Variants in CIMAP1D observed in about 807,000 individuals in gnomAD.
The protein encoded by CIMAP1D is CIMAP1 family member D, also known as protein CIMAP1D.
the CIMAP1D span, among the ~76,000 whole-genome samples, chr19:475,964 G>A: frequency 6.4e-5 from 9 of 139,738 alleles, no homozygotes; most frequent in Admixed American, 2.2e-4. Context: ...TAGTAGAGAT[G>A]GGGTTTCACC....
chr19:474,184 C>T, the CIMAP1D span, among the ~76,000 whole-genome samples: 5 of 152,218 alleles, frequency 3.3e-5, no homozygotes, highest in Admixed American at 6.5e-5. Flanking sequence ...GGTGAGGAAA[C>T]TGCGGCCCGT....
At chr19:491,288 G>A in the CIMAP1D span, among the ~76,000 whole-genome samples, 3 of 152,144 alleles carry the variant, frequency 2.0e-5, no homozygotes, top group African/African-American at 7.2e-5. Flanking sequence ...AAAAAAGAAG[G>A]CTTTTAAAGA....
At chr19:472,697 A>G in the CIMAP1D span, 2 of 528,110 alleles carry the variant, frequency 3.8e-6, no homozygotes, top group Non-Finnish European at 6.7e-6. Context: ...TGAATCACAG[A>G]GGAAAAGCTG....
chr19:478,895 G>A, the CIMAP1D span, among the ~76,000 whole-genome samples: 2 of 152,242 alleles, frequency 1.3e-5, no homozygotes, highest in Non-Finnish European at 2.9e-5. Context: ...TTTGGGGCCA[G>A]GCCCTGCTCA....
the CIMAP1D span, among the ~76,000 whole-genome samples, chr19:474,414 TTCCG>T: frequency 6.6e-6 from 1 of 152,202 alleles, no homozygotes; most frequent in African/African-American, 2.4e-5. Flanking sequence ...AGCACGCAGC[TTCCG>T]TTGGACAGAC....
At chr19:480,976 GGATGATGGAGAAC>G in the CIMAP1D span, among the ~76,000 whole-genome samples, 2 of 141,980 alleles carry the variant, frequency 1.4e-5, no homozygotes, top group Non-Finnish European at 3.1e-5. Flanking sequence ...TGATGGGGAA[GGATGATGGAGAAC>G]GATGATGGAA....
chr19:484,028 C>A, the CIMAP1D span, among the ~76,000 whole-genome samples: 2 of 152,322 alleles, frequency 1.3e-5, no homozygotes, highest in South Asian at 4.1e-4. Context: ...CATGAAGATG[C>A]CATGATTTAC....
At chr19:469,259 G>A in the CIMAP1D span, among the ~76,000 whole-genome samples, 2 of 145,774 alleles carry the variant, frequency 1.4e-5, no homozygotes, top group Non-Finnish European at 3.0e-5. Flanking sequence ...TCACTCTATC[G>A]CCCAGGCTGG....
At chr19:488,107 C>G in the CIMAP1D span, among the ~76,000 whole-genome samples, 1 of 152,184 alleles carries the variant, frequency 6.6e-6, no homozygotes, top group Non-Finnish European at 1.5e-5. Context: ...ACTCGGGGAG[C>G]TCGGCTCTTG....
the CIMAP1D span, among the ~76,000 whole-genome samples, chr19:486,832 T>A: frequency 6.6e-6 from 1 of 151,884 alleles, no homozygotes; most frequent in Non-Finnish European, 1.5e-5. Context: ...AAGAATGACG[T>A]GAACCCGGGA....
At chr19:469,605 A>G in the CIMAP1D span, among the ~76,000 whole-genome samples, 21 of 151,942 alleles carry the variant, frequency 1.4e-4, no homozygotes. Flanking sequence ...CAGGAGAATC[A>G]CTTGAACCCC....
the CIMAP1D span, among the ~76,000 whole-genome samples, chr19:483,134 T>G: frequency 6.6e-6 from 1 of 151,996 alleles, no homozygotes; most frequent in African/African-American, 2.4e-5. Context: ...AAATGGCACC[T>G]CCAGACCCAT....
the CIMAP1D span, among the ~76,000 whole-genome samples, chr19:480,423 G>A: frequency 6.6e-6 from 1 of 152,052 alleles, no homozygotes; most frequent in African/African-American, 2.4e-5. Context: ...TGGGAAGGAT[G>A]ATGAGGATGG....
At chr19:489,173 T>A in the CIMAP1D span, 3 of 152,106 alleles carry the variant, frequency 2.0e-5, no homozygotes, top group Non-Finnish European at 4.4e-5. Flanking sequence ...GCCAGTGAGC[T>A]GCACCCGCGG....
At chr19:469,156 T>C in the CIMAP1D span, among the ~76,000 whole-genome samples, 1 of 151,930 alleles carries the variant, frequency 6.6e-6, no homozygotes, top group Non-Finnish European at 1.5e-5. Context: ...AGGGGGTCTA[T>C]TTTTAGCCCC....
chr19:475,449 A>T, the CIMAP1D span, among the ~76,000 whole-genome samples: 2 of 152,178 alleles, frequency 1.3e-5, no homozygotes, highest in Non-Finnish European at 2.9e-5. Context: ...ACTGAACGTG[A>T]GGGAAAACGC....
chr19:480,795 C>G, the CIMAP1D span, among the ~76,000 whole-genome samples: 7,161 of 59,984 alleles, frequency 0.12, 212 homozygotes, highest in African/African-American at 0.2. Flanking sequence ...AATGATGATG[C>G]AGAAGGAATG....
chr19:483,009 T>G, the CIMAP1D span, among the ~76,000 whole-genome samples: 1 of 152,144 alleles, frequency 6.6e-6, no homozygotes, highest in Non-Finnish European at 1.5e-5. Context: ...TGCATGTGTT[T>G]CCTCCTCTGA....
the CIMAP1D span, among the ~76,000 whole-genome samples, chr19:468,405 G>A: frequency 6.6e-6 from 1 of 152,212 alleles, no homozygotes; most frequent in South Asian, 2.1e-4. Context: ...TGACAAGAGC[G>A]ACTAGGCTCT....
Sources: gnomAD v4.1 joint callset for allele counts (sites outside exome capture counted in the v4.1 genomes callset) on GRCh38, gnomAD v4.1.1 for gene constraint, MANE v1.5 for transcripts, NCBI Gene and HGNC (gene_info 2026-07-23, HGNC 2026-07-21) for gene names.